The following AK7 variants were observed in gnomAD, a reference collection of about 807,000 sequenced individuals.
AK7 encodes the protein ATP-AMP transphosphorylase 7.
A neutral mutation model predicts 96.6 loss-of-function variants in AK7; 78 were observed. The ratio of observed to expected loss-of-function variants is 0.81; its 90% CI spans 0.67 to 0.97. The LOEUF (loss-of-function observed/expected upper bound fraction) is 0.97, where lower values mean the gene tolerates loss of function less well. Ranked by LOEUF, AK7 falls within the 50% of genes least tolerant of loss-of-function variation. The pLI is 0.00. For synonymous variants in AK7, 302 were observed against 317.2 expected (o/e 0.95, Z 0.51); for missense variants, 855 against 887.9 (o/e 0.96, Z 0.47).
intron 8 of AK7, among the ~76,000 whole-genome samples, chr14:96,447,418 G>A (rs923715685): frequency 6.6e-6 from 1 of 152,148 alleles, no homozygotes; most frequent in Non-Finnish European, 1.5e-5. Context: ...GGGCTCAAGA[G>A]AGCCTCCTGC....
At chr14:96,398,360 C>G in intron 2 of AK7, 97 bp downstream of exon 2, 1 of 1,315,234 alleles carries the variant, frequency 7.6e-7, no homozygotes. Flanking sequence ...CCTCCCCTCC[C>G]CTCTCTTCCA....
intron 6 of AK7, among the ~76,000 whole-genome samples, chr14:96,441,819 A>C (rs1892976273): frequency 6.6e-6 from 1 of 151,730 alleles, no homozygotes; most frequent in Non-Finnish European, 1.5e-5. Flanking sequence ...CAGCCTCCTC[A>C]ATGTCTCCCT....
Position 96,449,802 on chromosome 14 carries a change from T to C in AK7, c.871T>C (p.Cys291Arg). Reference sequence around the variant, plus strand: ...TAATATTTCGATTTTCCTCTAACAGTGTATCAGTAAAAATACTGGCCCTGG... The same window carrying C: ...TAATATTTCGATTTTCCTCTAACAGCGTATCAGTAAAAATACTGGCCCTGG... The part of the protein sequence containing the change: ...SVHTLEDIVK[C>R]ISKNTGPGKI... Residue 291 changes from cysteine (C) to arginine (R), a missense_variant and splice_region_variant, in exon 9 of 18, where the codon TGT becomes CGT. Coordinates refer to ENST00000267584, the MANE Select transcript of AK7 (RefSeq NM_152327.5). The C allele has an allele frequency of 6.2e-7, 1 of 1,606,226 alleles. No homozygotes were observed. The highest frequency in any genetic ancestry group is 1.3e-5 in the African/African-American group (1 of 74,710).
chr14:96,440,248 C>T (rs961966436), intron 6 of AK7, among the ~76,000 whole-genome samples: 1 of 152,228 alleles, frequency 6.6e-6, no homozygotes, highest in African/African-American at 2.4e-5. Flanking sequence ...GCTGGGATTA[C>T]AGGCGTGAGC....
intron 16 of AK7, among the ~76,000 whole-genome samples, chr14:96,486,075 C>T (rs538037699): frequency 3.3e-5 from 5 of 152,268 alleles, no homozygotes; most frequent in African/African-American, 7.2e-5. Context: ...TGAGCCACCG[C>T]GCCCAGCCCA....
intron 7 of AK7, among the ~76,000 whole-genome samples, chr14:96,445,027 A>T (rs1244647407): frequency 6.6e-6 from 1 of 152,114 alleles, no homozygotes; most frequent in African/African-American, 2.4e-5. Context: ...CCCATTAGTT[A>T]TCTTTATGTT....
At chr14:96,403,897 C>T (rs1890553667) in intron 2 of AK7, among the ~76,000 whole-genome samples, 1 of 151,990 alleles carries the variant, frequency 6.6e-6, no homozygotes, top group African/African-American at 2.4e-5. Flanking sequence ...GTAATCCCAA[C>T]CTTTTGGGAG....
chr14:96,392,406 A>C, intron 1 of AK7, 147 bp downstream of exon 1: 10 of 636,146 alleles, frequency 1.6e-5, no homozygotes, highest in East Asian at 2.8e-5. Context: ...GGCACCACCA[A>C]TGCCCCCTGG....
At chr14:96,482,326 A>G (rs1236655363) in intron 15 of AK7, among the ~76,000 whole-genome samples, 1 of 152,170 alleles carries the variant, frequency 6.6e-6, no homozygotes, top group Non-Finnish European at 1.5e-5. Context: ...TACCCAGAGG[A>G]AGGTCTGAAG....
intron 2 of AK7, among the ~76,000 whole-genome samples, chr14:96,400,918 T>A (rs578034144): frequency 1.3e-5 from 2 of 152,304 alleles, no homozygotes; most frequent in South Asian, 4.2e-4. Flanking sequence ...CAACGAATAG[T>A]GTCTTTTATC....
At chr14:96,438,880 G>T (rs1053914010) in intron 6 of AK7, among the ~76,000 whole-genome samples, 1 of 152,184 alleles carries the variant, frequency 6.6e-6, no homozygotes, top group Non-Finnish European at 1.5e-5. Flanking sequence ...GATTTCAGAC[G>T]TATTTTGAAG....
chr14:96,457,636 T>C (rs1894006487), intron 11 of AK7, among the ~76,000 whole-genome samples: 1 of 152,176 alleles, frequency 6.6e-6, no homozygotes. Flanking sequence ...CTGGAACGCT[T>C]GTAGGTGTTT....
intron 4 of AK7, among the ~76,000 whole-genome samples, chr14:96,416,557 A>G (rs1362140172): frequency 1.3e-5 from 2 of 152,192 alleles, no homozygotes; most frequent in Non-Finnish European, 2.9e-5. Flanking sequence ...GTAGTAAGGC[A>G]GGCTGAGTTT....
chr14:96,444,914 C>T (rs957314609), intron 7 of AK7, among the ~76,000 whole-genome samples: 4 of 152,134 alleles, frequency 2.6e-5, no homozygotes, highest in Non-Finnish European at 5.9e-5. Context: ...GACAGGGTTT[C>T]ACCATGTTGG....
intron 4 of AK7, among the ~76,000 whole-genome samples, chr14:96,409,571 C>G (rs1249800802): frequency 6.6e-6 from 1 of 152,074 alleles, no homozygotes; most frequent in Non-Finnish European, 1.5e-5. Flanking sequence ...GACTCCATCT[C>G]TAAATAAATA....
chr14:96,465,476 G>A (rs1894512481), intron 12 of AK7, among the ~76,000 whole-genome samples: 2 of 151,088 alleles, frequency 1.3e-5, no homozygotes, highest in Admixed American at 1.3e-4. Context: ...AAAAAAAAAG[G>A]CTAAAAATAC....
intron 10 of AK7, 44 bp downstream of exon 10, chr14:96,451,614 A>C (rs1344307404): frequency 7.2e-7 from 1 of 1,392,642 alleles, no homozygotes; most frequent in Non-Finnish European, 9.4e-7. Context: ...TTCAAGCAAA[A>C]TGAATCAAAC....
chr14:96,466,937 T>G (rs1314903789), intron 12 of AK7, among the ~76,000 whole-genome samples: 1 of 151,562 alleles, frequency 6.6e-6, no homozygotes, highest in Non-Finnish European at 1.5e-5. Flanking sequence ...GAACCTAAAG[T>G]CTCGGGCAGC....
In AK7 at chr14:96,392,132, T is replaced by C. The variant is rs775195771; in HGVS notation, c.-23T>C. ...TGGCAAGCGAGTGGCGCTTTCACCT[T>C]AGCAACCAGCGCGGCTCCCACCATG... On this transcript the variant is annotated 5_prime_UTR_variant, in exon 1 of 18. Coordinates refer to ENST00000267584, the MANE Select transcript of AK7 (RefSeq NM_152327.5). 1 of 1,594,708 alleles carries C rather than the reference T, an allele frequency of 6.3e-7. No homozygotes were observed. Among genetic ancestry groups the C allele is most frequent in the Non-Finnish European group, 8.6e-7 (1 of 1,163,146 alleles).
Sources: allele counts gnomAD v4.1 joint callset (sites outside exome capture counted in the v4.1 genomes callset), GRCh38; gene constraint gnomAD v4.1.1; transcripts MANE v1.5; gene names NCBI Gene and HGNC (gene_info 2026-07-23, HGNC 2026-07-21).